The following FAM221A variants were observed in gnomAD, a reference collection of about 807,000 sequenced individuals.
The protein encoded by FAM221A is family with sequence similarity 221 member A, also known as protein FAM221A.
A neutral mutation model predicts 37.6 loss-of-function variants in FAM221A; 43 were observed. The ratio of observed to expected loss-of-function variants is 1.15; its 90% CI spans 0.90 to 1.48. The LOEUF is 1.48. FAM221A is among the 40% of genes most tolerant of loss of function. The pLI is 0.00. For missense variants in FAM221A, 361 were observed against 361.5 expected (o/e 1.00, Z 0.01); for synonymous variants, 135 against 132.9 (o/e 1.02, Z -0.11).
chr7:23,702,156 C>T lies in FAM221A; in HGVS notation c.889C>T (p.Pro297Ser), dbSNP rs74820042. ...GKAPLPSATK[P>S]S ...AGCTCCATTGCCATCAGCTACAAAA[C>T]CTTCATGAAGACTATTGGAGAAATT... is the stretch of plus-strand genomic sequence containing the variant. Residue 297 changes from proline to serine, a missense_variant, in exon 7 of 7, where the codon CCT becomes TCT. Coordinates refer to ENST00000344962, the MANE Select transcript of FAM221A (RefSeq NM_199136.5). 6.9e-6 allele frequency: 11 copies of T among 1,594,126 alleles called. No individual in the cohort carries two copies. The highest frequency in any genetic ancestry group is 3.3e-4 in the Middle Eastern group (2 of 5,998).
chr7:23,693,048 G>C (rs1311238842), intron 4 of FAM221A: 1 of 152,076 alleles, frequency 6.6e-6, no homozygotes, highest in Non-Finnish European at 1.5e-5. Context: ...TTTAACTGCT[G>C]TATGGTATTC....
chr7:23,682,524 G>A (rs115653781), intron 1 of FAM221A, among the ~76,000 whole-genome samples: 4,674 of 150,794 alleles, frequency 0.031, 218 homozygotes, highest in African/African-American at 0.099. Context: ...CTCTGCCTCC[G>A]TGGAAGTGAT....
chr7:23,690,170 CATATATATATAT>C (rs1175330292), intron 3 of FAM221A, among the ~76,000 whole-genome samples: 1 of 68,596 alleles, frequency 1.5e-5, no homozygotes, highest in African/African-American at 5.0e-5. Context: ...TGCCTTGGTT[CATATATATATAT>C]ATATATATAT....
intron 1 of FAM221A, among the ~76,000 whole-genome samples, chr7:23,681,148 G>A (rs1784016885): frequency 6.6e-6 from 1 of 152,178 alleles, no homozygotes; most frequent in Non-Finnish European, 1.5e-5. Flanking sequence ...TTCTGAGCCA[G>A]AAGAATAAGG....
At chr7:23,685,782 G>A (rs1584255051) in intron 2 of FAM221A, among the ~76,000 whole-genome samples, 1 of 152,166 alleles carries the variant, frequency 6.6e-6, no homozygotes, top group Admixed American at 6.6e-5. Flanking sequence ...TGAAGTTTGC[G>A]TTTTGCTGTG....
downstream of FAM221A, chr7:23,703,189 C>G (rs1303683945): frequency 2.0e-5 from 3 of 152,260 alleles, no homozygotes; most frequent in Admixed American, 6.5e-5. Flanking sequence ...TTTTCCACTC[C>G]TCTACCCCTC....
At chr7:23,684,419 A>T in intron 1 of FAM221A, 80 bp from the exon 2 acceptor site, 1 of 787,324 alleles carries the variant, frequency 1.3e-6, no homozygotes, top group Non-Finnish European at 1.9e-6. Context: ...AAATTTATTT[A>T]ATATTTGCAG....
Position 23,702,134 on chromosome 7 carries a change from T to A in FAM221A, c.867T>A (p.Ala289=). 6.2e-7 allele frequency: 1 copy of A among 1,601,552 alleles called. No homozygotes were observed. The highest frequency in any genetic ancestry group is 8.5e-7 in the Non-Finnish European group (1 of 1,173,794). Residue 289 remains alanine, a synonymous_variant, in exon 7 of 7, where the codon GCT becomes GCA. Transcript: ENST00000344962. ...MEKAAKWKGK[A]PLPSATKPS The stretch of plus-strand genomic sequence containing the variant: ...AGGCTGCTAAGTGGAAAGGAAAAGC[T>A]CCATTGCCATCAGCTACAAAACCTT...
chr7:23,688,306 A>G (rs1385670990), intron 2 of FAM221A: 2 of 152,136 alleles, frequency 1.3e-5, no homozygotes, highest in Non-Finnish European at 2.9e-5. Flanking sequence ...TCAGCCTCCC[A>G]AAGTGCTGGG....
Position 23,702,478 on chromosome 7 carries a change from G to T in FAM221A, c.*314G>T. 5.9e-6 allele frequency: 1 copy of T among 170,058 alleles called. No individual in the cohort carries two copies. The highest frequency in any genetic ancestry group is 1.2e-5 in the Non-Finnish European group (1 of 80,080). 10.5% of individuals were successfully genotyped at this position (170,058 alleles called of 1,614,324 possible). A position where few individuals can be genotyped will look rare whatever the true frequency, so the allele number is the denominator to read the frequency against. On this transcript the variant is annotated 3_prime_UTR_variant, in exon 7 of 7. Coordinates refer to ENST00000344962, the MANE Select transcript of FAM221A (RefSeq NM_199136.5). ...TGTTTCAGGTATTTAAAAAATTAAA[G>T]ATATTATCAAGGGTTTTGGACAAAC...
intron 4 of FAM221A, 128 bp from the exon 5 acceptor site, chr7:23,698,064 A>ATTT: frequency 1.9e-6 from 1 of 538,356 alleles, no homozygotes; most frequent in Admixed American, 3.8e-5. Context: ...CCAGTCTAAA[A>ATTT]TTTTTTTTTT....
chr7:23,684,389 T>A, intron 1 of FAM221A, 110 bp from the exon 2 acceptor site: 1 of 866,598 alleles, frequency 1.2e-6, no homozygotes, highest in Admixed American at 3.0e-5. Context: ...AAAAGACAGA[T>A]TTACAAAATA....
At chr7:23,700,890 G>C (rs751159056) in intron 6 of FAM221A, 22 bp downstream of exon 6, 1 of 1,456,662 alleles carries the variant, frequency 6.9e-7, no homozygotes, top group Non-Finnish European at 9.6e-7. Context: ...AGGAAATTCA[G>C]TTGCACTAAG....
At chr7:23,696,205 G>A (rs1476068651) in intron 4 of FAM221A, among the ~76,000 whole-genome samples, 2 of 152,146 alleles carry the variant, frequency 1.3e-5, no homozygotes, top group Non-Finnish European at 2.9e-5. Flanking sequence ...ACACAATAGT[G>A]AGCATTTGTA....
At chr7:23,682,442 T>TTA (rs1562514160) in intron 1 of FAM221A, among the ~76,000 whole-genome samples, 12 of 135,206 alleles carry the variant, frequency 8.9e-5, no homozygotes, top group Non-Finnish European at 1.6e-4. Flanking sequence ...TATTATTATT[T>TTA]TTTTTTTTAG....
chr7:23,700,223 G>C (rs1785331695), intron 5 of FAM221A, among the ~76,000 whole-genome samples: 1 of 152,112 alleles, frequency 6.6e-6, no homozygotes, highest in African/African-American at 2.4e-5. Flanking sequence ...TCGCAATGAA[G>C]GTGTACTTTT....
chr7:23,686,868 C>G (rs946208721), intron 2 of FAM221A: 5 of 152,118 alleles, frequency 3.3e-5, no homozygotes, highest in African/African-American at 1.2e-4. Context: ...TCACTACAAC[C>G]TCTGCCTCGT....
chr7:23,689,448 C>G lies in FAM221A; in HGVS notation c.419C>G (p.Thr140Arg). ...ADQHSAAPGF[T>R]CNTCSKCSGF... is the part of the protein sequence containing the mutation. ...CAGCACAGTGCTGCGCCTGGCTTTA[C>G]ATGCAATACATGTGAGTTATATTAT... The change falls in exon 3 of 7, where the codon ACA (threonine) becomes AGA (arginine). Residue 140 changes from threonine (T) to arginine (R), a missense_variant. Transcript: ENST00000344962. 1 of 1,557,464 alleles carries G rather than the reference C, an allele frequency of 6.4e-7. No homozygotes were observed. The highest frequency in any genetic ancestry group is 1.3e-5 in the African/African-American group (1 of 74,348).
At position 23,686,138 on chromosome 7, in the gene FAM221A, G is replaced by A. The variant is rs573450151; in HGVS notation, c.239+1466G>A. Among the ~76,000 whole-genome samples, 10 of 152,326 alleles carry A rather than the reference G, an allele frequency of 6.6e-5. No homozygotes were observed. The South Asian group carries it at 2.1e-3, about 32-fold the overall frequency. ...ATAAGGGATGTGTTGATATCTTTCA[G>A]AATTAAAGAGGGGTTTGGTAAGTTT... On this transcript the variant is annotated intron_variant, in intron 2 of 6. Transcript: ENST00000344962.
Sources: allele counts gnomAD v4.1 joint callset (sites outside exome capture counted in the v4.1 genomes callset), GRCh38; gene constraint gnomAD v4.1.1; transcripts MANE v1.5; gene names NCBI Gene and HGNC (gene_info 2026-07-23, HGNC 2026-07-21).